FBXO16: variants seen among roughly 807,000 people sequenced by gnomAD.
FBXO16 encodes F-box only protein 16.
A neutral mutation model predicts 41.0 loss-of-function variants in FBXO16; 31 were observed. The ratio of observed to expected loss-of-function variants is 0.76; its 90% confidence interval spans 0.57 to 1.02. The LOEUF is 1.02. Among genes scored for constraint, FBXO16 ranks in the 50% least tolerant of loss-of-function variants. The pLI is 0.00. For missense variants in FBXO16, 361 were observed against 346.2 expected, an observed-to-expected ratio of 1.04 and a Z score of -0.34; for synonymous variants, 133 against 117.8, an observed-to-expected ratio of 1.13 and a Z score of -0.84.
At chr8:28,444,708 C>G (rs1468915928) in intron 7 of FBXO16, among the ~76,000 whole-genome samples, 3 of 150,792 alleles carry the variant, frequency 2.0e-5, no homozygotes, top group African/African-American at 7.3e-5. Flanking sequence ...TCTCGATCTC[C>G]TGACCTCACA....
chr8:28,445,937 T>C (rs928913811), intron 7 of FBXO16, among the ~76,000 whole-genome samples: 2 of 152,176 alleles, frequency 1.3e-5, no homozygotes, highest in South Asian at 2.1e-4. Flanking sequence ...TCCTTACTAC[T>C]ATATATGAAC....
chr8:28,478,840 AAAT>A (rs1041831581), intron 2 of FBXO16, among the ~76,000 whole-genome samples: 3 of 151,578 alleles, frequency 2.0e-5, no homozygotes, highest in African/African-American at 7.3e-5. Flanking sequence ...AAAAAAAAAA[AAAT>A]TGTAATCCCC....
At chr8:28,475,685 T>C (rs997563804) in intron 2 of FBXO16, among the ~76,000 whole-genome samples, 17 of 152,222 alleles carry the variant, frequency 1.1e-4, no homozygotes, top group African/African-American at 4.1e-4. Context: ...TTTTGCTCTC[T>C]AGTGGTTTCT....
At chr8:28,450,401 T>C (rs1417602269) in intron 6 of FBXO16, among the ~76,000 whole-genome samples, 2 of 152,134 alleles carry the variant, frequency 1.3e-5, no homozygotes, top group African/African-American at 4.8e-5. Context: ...GCCGTGACAT[T>C]GGATTTGGCA....
Position 28,458,579 on chromosome 8 carries a change from T to G in FBXO16, c.343-1649A>C, listed in dbSNP as rs146245116. Among the ~76,000 whole-genome samples, 77 of 140,796 alleles carry G rather than the reference T, an allele frequency of 5.5e-4. 1 individual carries two copies. In the East Asian group the frequency reaches 0.014, roughly 25 times the overall value. 92.4% of individuals were successfully genotyped at this position (140,796 alleles called of 152,430 possible). A position where few individuals can be genotyped will look rare whatever the true frequency, so the allele number is the denominator to read the frequency against. Reference sequence around the variant, plus strand: ...TTTTTTTTTTTTTTTTGAGACAGAGTTTTGCCCTTGTTGCCCAGGCTGGAG... The same window carrying G: ...TTTTTTTTTTTTTTTTGAGACAGAGGTTTGCCCTTGTTGCCCAGGCTGGAG... On this transcript the variant is annotated intron_variant, in intron 4 of 8. Coordinates refer to ENST00000380254, the MANE Select transcript of FBXO16 (RefSeq NM_172366.4).
At chr8:28,442,427 A>G (rs2130101596) in intron 7 of FBXO16, among the ~76,000 whole-genome samples, 1 of 152,228 alleles carries the variant, frequency 6.6e-6, no homozygotes, top group Admixed American at 6.5e-5. Context: ...TCTGTCGCCC[A>G]GGCTGGAGCG....
intron 3 of FBXO16, among the ~76,000 whole-genome samples, chr8:28,464,906 C>T (rs1417194689): frequency 1.3e-5 from 2 of 152,172 alleles, no homozygotes; most frequent in Non-Finnish European, 2.9e-5. Flanking sequence ...CCCACCTTGG[C>T]CTCCCAAAGT....
At chr8:28,438,839 C>T (rs560846351) in intron 7 of FBXO16, among the ~76,000 whole-genome samples, 29 of 152,136 alleles carry the variant, frequency 1.9e-4, no homozygotes, top group African/African-American at 7.0e-4. Context: ...GTGGCTTATG[C>T]CTGTAATCCC....
At chr8:28,428,925 G>A (rs185198056) in intron 8 of FBXO16, among the ~76,000 whole-genome samples, 189 bp from the exon 9 acceptor site, 2 of 152,136 alleles carry the variant, frequency 1.3e-5, no homozygotes, top group African/African-American at 2.4e-5. Context: ...CAGATAATAC[G>A]GTCTTTAGCG....
At chr8:28,463,368 ATATG>A (rs1456369960) in intron 4 of FBXO16, among the ~76,000 whole-genome samples, 1 of 140,716 alleles carries the variant, frequency 7.1e-6, no homozygotes, top group African/African-American at 2.6e-5. Flanking sequence ...ATATGTGTGT[ATATG>A]TGTGTGTTTG....
intron 4 of FBXO16, among the ~76,000 whole-genome samples, chr8:28,458,616 G>A (rs35378400): frequency 0.24 from 34,625 of 144,188 alleles, 4,791 homozygotes; most frequent in East Asian, 0.51. Flanking sequence ...GCAGTGGTGC[G>A]ATCTTGGCTC....
chr8:28,478,248 T>C (rs1482941362), intron 2 of FBXO16, among the ~76,000 whole-genome samples: 1 of 152,092 alleles, frequency 6.6e-6, no homozygotes, highest in Non-Finnish European at 1.5e-5. Context: ...TGGATAAAAA[T>C]CTATTAAAGA....
At chr8:28,452,152 C>A in intron 6 of FBXO16, 92 bp downstream of exon 6, 1 of 1,229,358 alleles carries the variant, frequency 8.1e-7, no homozygotes, top group Non-Finnish European at 1.1e-6. Flanking sequence ...TTGTATTTCA[C>A]AGTAAGTTCT....
intron 7 of FBXO16, among the ~76,000 whole-genome samples, chr8:28,431,338 A>C (rs1350586907): frequency 6.6e-6 from 1 of 152,184 alleles, no homozygotes; most frequent in African/African-American, 2.4e-5. Flanking sequence ...GTGGTCCCGG[A>C]ACACAAGCTG....
intron 7 of FBXO16, 119 bp from the exon 8 acceptor site, chr8:28,429,522 A>G: frequency 8.5e-7 from 1 of 1,176,190 alleles, no homozygotes; most frequent in Non-Finnish European, 1.2e-6. Context: ...TCTTGGTTCC[A>G]ACTGTGCAAG....
chr8:28,456,590 A>T, intron 5 of FBXO16, 176 bp downstream of exon 5: 2 of 741,870 alleles, frequency 2.7e-6, no homozygotes, highest in Non-Finnish European at 4.3e-6. Flanking sequence ...CTCTCAACTA[A>T]CATGAATGTC....
chr8:28,458,739 A>G (rs1187629310), intron 4 of FBXO16, among the ~76,000 whole-genome samples: 1 of 151,810 alleles, frequency 6.6e-6, no homozygotes, highest in Non-Finnish European at 1.5e-5. Context: ...TTTAGTAGAG[A>G]CAGGGTTTCT....
In FBXO16 at chr8:28,429,429, G is replaced by GT. The variant is rs752904936; in HGVS notation, c.844-27_844-26insA. Reference sequence around the variant, plus strand: ...CTGGCCGCGAGCAGGAAAGGGAAGAGAATGGAGAGAGGAAAAGAAAGAAAT... The same window carrying GT: ...CTGGCCGCGAGCAGGAAAGGGAAGAGTAATGGAGAGAGGAAAAGAAAGAAAT... On this transcript the variant is annotated intron_variant, in intron 7 of 8. Transcript: ENST00000380254. 5.0e-6 allele frequency: 8 copies of GT among 1,613,594 alleles called. No homozygotes were observed. In the East Asian group the frequency reaches 1.8e-4, roughly 36 times the overall value.
rs76194476 is a variant in FBXO16, at chr8:28,471,505, A to G, written c.135+2267T>C. Among the ~76,000 whole-genome samples, 712 of 152,186 alleles carry G rather than the reference A, an allele frequency of 4.7e-3. 5 individuals carry two copies. Among genetic ancestry groups the G allele is most frequent in the African/African-American group, 0.015 (620 of 41,540 alleles). On this transcript the variant is annotated intron_variant, in intron 3 of 8. Coordinates refer to ENST00000380254, the MANE Select transcript of FBXO16 (RefSeq NM_172366.4). ...TTACTGTCTTGTCCATGAAACACAC[A>G]AACAAAGAAAATCTAAAAATTAAAA...
Sources: allele counts gnomAD v4.1 joint callset (sites outside exome capture counted in the v4.1 genomes callset), GRCh38; gene constraint gnomAD v4.1.1; transcripts MANE v1.5; gene names NCBI Gene and HGNC (gene_info 2026-07-23, HGNC 2026-07-21).